Variants in CLDN10 observed in about 807,000 individuals in gnomAD.
CLDN10 encodes the protein claudin-10.
Under a neutral mutation model 22.9 loss-of-function variants are expected in CLDN10, and 15 were observed. The ratio of observed to expected loss-of-function variants is 0.65; its 90% CI spans 0.44 to 1.01. The LOEUF (loss-of-function observed/expected upper bound fraction) is 1.01. Among genes scored for constraint, CLDN10 ranks in the 50% least tolerant of loss-of-function variants. CLDN10 has a pLI of 0.00. For synonymous variants in CLDN10, 114 were observed against 111.4 expected, an observed-to-expected ratio of 1.02 and a Z score of -0.15; for missense variants, 247 against 287.8, an observed-to-expected ratio of 0.86 and a Z score of 1.03.
At chr13:95,445,568 C>T (rs1323588226) in intron 1 of CLDN10, among the ~76,000 whole-genome samples, 7 of 152,148 alleles carry the variant, frequency 4.6e-5, no homozygotes, top group Admixed American at 3.9e-4. Context: ...AGGATTTCTG[C>T]CAGGAAACTT....
intron 1 of CLDN10, among the ~76,000 whole-genome samples, chr13:95,502,669 G>A (rs536842951): frequency 2.0e-5 from 3 of 152,162 alleles, no homozygotes; most frequent in South Asian, 4.2e-4. Flanking sequence ...GCAGGAGCCC[G>A]CCACCACACC....
At chr13:95,485,471 A>G (rs528137514) in intron 1 of CLDN10, among the ~76,000 whole-genome samples, 1 of 152,156 alleles carries the variant, frequency 6.6e-6, no homozygotes, top group Non-Finnish European at 1.5e-5. Flanking sequence ...TTGGAGCTGA[A>G]TTTCCTATCC....
intron 3 of CLDN10, among the ~76,000 whole-genome samples, chr13:95,574,108 T>C (rs1306838748): frequency 1.3e-5 from 2 of 152,202 alleles, no homozygotes; most frequent in Non-Finnish European, 2.9e-5. Flanking sequence ...ATTTTCTTAA[T>C]CCAGTCCATC....
chr13:95,473,435 C>A (rs541094913), intron 1 of CLDN10, among the ~76,000 whole-genome samples: 2 of 152,304 alleles, frequency 1.3e-5, no homozygotes, highest in East Asian at 1.9e-4. Flanking sequence ...GGAAGAGATG[C>A]GCCTCGGGTG....
intron 1 of CLDN10, among the ~76,000 whole-genome samples, chr13:95,457,154 T>C (rs2042489649): frequency 6.6e-6 from 1 of 152,218 alleles, no homozygotes; most frequent in Non-Finnish European, 1.5e-5. Flanking sequence ...ATGCATTTGC[T>C]TGTTTCTTTA....
intron 1 of CLDN10, among the ~76,000 whole-genome samples, chr13:95,487,960 G>A (rs978751663): frequency 2.0e-5 from 3 of 149,696 alleles, no homozygotes; most frequent in African/African-American, 5.0e-5. Flanking sequence ...TTACAGGCAT[G>A]AGCCACTGAG....
intron 1 of CLDN10, among the ~76,000 whole-genome samples, chr13:95,530,504 C>T (rs538535486): frequency 6.6e-6 from 1 of 152,270 alleles, no homozygotes; most frequent in South Asian, 2.1e-4. Context: ...AACCACTCTT[C>T]GCCCTTCCCT....
chr13:95,567,228 C>T (rs967781961), intron 3 of CLDN10, among the ~76,000 whole-genome samples: 1 of 152,090 alleles, frequency 6.6e-6, no homozygotes, highest in Non-Finnish European at 1.5e-5. Flanking sequence ...GCCATTTTCA[C>T]GATATTGATT....
intron 1 of CLDN10, among the ~76,000 whole-genome samples, chr13:95,532,766 G>A (rs2043357273): frequency 2.0e-5 from 2 of 100,998 alleles, no homozygotes. Context: ...AACTGTGATA[G>A]CTTCAGATAC....
At chr13:95,507,694 G>A (rs1380592016) in intron 1 of CLDN10, among the ~76,000 whole-genome samples, 1 of 151,946 alleles carries the variant, frequency 6.6e-6, no homozygotes, top group Non-Finnish European at 1.5e-5. Context: ...TGCAATCTTG[G>A]TTAACCACAA....
intron 1 of CLDN10, among the ~76,000 whole-genome samples, chr13:95,436,474 C>T (rs2042273088): frequency 6.6e-6 from 1 of 152,150 alleles, no homozygotes; most frequent in South Asian, 2.1e-4. Context: ...CATGAGCCAC[C>T]ACGCCTGCCA....
intron 1 of CLDN10, among the ~76,000 whole-genome samples, chr13:95,531,707 T>C (rs2043344567): frequency 6.6e-6 from 1 of 151,776 alleles, no homozygotes. Context: ...TTTTTTTTTT[T>C]TTTTTTGATA....
chr13:95,484,571 G>T (rs2042781875), intron 1 of CLDN10, among the ~76,000 whole-genome samples: 1 of 152,024 alleles, frequency 6.6e-6, no homozygotes. Context: ...GGCCAGGTGT[G>T]GTGGCTCACG....
chr13:95,568,253 A>T (rs571980570), intron 3 of CLDN10, among the ~76,000 whole-genome samples: 1 of 152,378 alleles, frequency 6.6e-6, no homozygotes, highest in Non-Finnish European at 1.5e-5. Flanking sequence ...AGTGGTAAGA[A>T]CAAAATAGAG....
intron 1 of CLDN10, among the ~76,000 whole-genome samples, chr13:95,484,865 CAAAAA>C (rs746231195): frequency 0.6 from 56,165 of 94,060 alleles, 14,667 homozygotes; most frequent in Middle Eastern, 0.77. Flanking sequence ...GACCCTGTCT[CAAAAA>C]AAAAAAAAAA....
intron 1 of CLDN10, among the ~76,000 whole-genome samples, chr13:95,527,499 G>T (rs1310757747): frequency 6.6e-6 from 1 of 152,138 alleles, no homozygotes; most frequent in Non-Finnish European, 1.5e-5. Flanking sequence ...GGAGACTGAG[G>T]CGGGTGGATC....
intron 1 of CLDN10, among the ~76,000 whole-genome samples, chr13:95,438,418 C>T (rs1387786033): frequency 6.6e-6 from 1 of 152,014 alleles, no homozygotes; most frequent in African/African-American, 2.4e-5. Flanking sequence ...GCCTTTTTTT[C>T]CCCCTTATCT....
chr13:95,480,883 A>G (rs1003080178), intron 1 of CLDN10, among the ~76,000 whole-genome samples: 9 of 152,232 alleles, frequency 5.9e-5, no homozygotes, highest in African/African-American at 2.2e-4. Context: ...ATATATATAC[A>G]TAACTACATG....
At chr13:95,517,933 C>CAAAAAAAA (rs35780641) in intron 1 of CLDN10, among the ~76,000 whole-genome samples, 1 of 94,090 alleles carries the variant, frequency 1.1e-5, no homozygotes, top group Non-Finnish European at 2.1e-5. Flanking sequence ...AACTCCACCT[C>CAAAAAAAA]AAAAAAAAAA....
Sources: gnomAD v4.1 joint callset for allele counts (sites outside exome capture counted in the v4.1 genomes callset) on GRCh38, gnomAD v4.1.1 for gene constraint, MANE v1.5 for transcripts, NCBI Gene and HGNC (gene_info 2026-07-23, HGNC 2026-07-21) for gene names.